Variants in GARIN2 observed in about 807,000 individuals in gnomAD.
GARIN2 encodes golgi associated RAB2 interactor family member 2.
the GARIN2 span, among the ~76,000 whole-genome samples, chr14:67,225,667 G>T: frequency 6.6e-6 from 1 of 152,106 alleles, no homozygotes; most frequent in Admixed American, 6.5e-5. Context: ...CTGCAGGGCT[G>T]TCATGTACAG....
the GARIN2 span, chr14:67,199,353 T>C: frequency 6.8e-6 from 11 of 1,614,108 alleles, no homozygotes; most frequent in East Asian, 2.0e-4. Flanking sequence ...AACCTGGATG[T>C]AGGGGCCAAC....
the GARIN2 span, among the ~76,000 whole-genome samples, chr14:67,192,971 T>G: frequency 2.0e-5 from 3 of 146,798 alleles, no homozygotes; most frequent in African/African-American, 7.4e-5. Flanking sequence ...TATATCGATA[T>G]CTAGATATAG....
the GARIN2 span, chr14:67,201,822 A>T: frequency 3.8e-6 from 1 of 262,654 alleles, no homozygotes; most frequent in Non-Finnish European, 7.5e-6. Context: ...ATTATCATAC[A>T]GCTGAGAAAC....
the GARIN2 span, among the ~76,000 whole-genome samples, chr14:67,193,064 C>CTA: frequency 7.0e-6 from 1 of 142,846 alleles, no homozygotes; most frequent in Non-Finnish European, 1.5e-5. Flanking sequence ...ATCTCTATAT[C>CTA]TATATATATC....
the GARIN2 span, among the ~76,000 whole-genome samples, chr14:67,212,664 T>TATATATAATATATATTA: frequency 6.8e-6 from 1 of 146,932 alleles, no homozygotes; most frequent in African/African-American, 2.5e-5. Context: ...TAATATATAT[T>TATATATAATATATATTA]TACACATACA....
the GARIN2 span, among the ~76,000 whole-genome samples, chr14:67,209,113 AT>A: frequency 6.6e-6 from 1 of 152,184 alleles, no homozygotes; most frequent in Admixed American, 6.5e-5. Flanking sequence ...AATAAAAGTA[AT>A]TTTCAATGGC....
At chr14:67,228,014 A>G in the GARIN2 span, among the ~76,000 whole-genome samples, 1 of 152,090 alleles carries the variant, frequency 6.6e-6, no homozygotes, top group Non-Finnish European at 1.5e-5. Context: ...TACTAAAAAG[A>G]CAAAAATCAC....
At chr14:67,193,956 A>AAAAAAAAACAAAAC in the GARIN2 span, among the ~76,000 whole-genome samples, 1 of 148,810 alleles carries the variant, frequency 6.7e-6, no homozygotes, top group African/African-American at 2.5e-5. Context: ...AAAAAAAACA[A>AAAAAAAAACAAAAC]AAAAAAAACG....
At chr14:67,191,040 C>A in the GARIN2 span, among the ~76,000 whole-genome samples, 2 of 152,278 alleles carry the variant, frequency 1.3e-5, no homozygotes, top group African/African-American at 4.8e-5. Flanking sequence ...TCAAGACCAG[C>A]CTGGCCAACA....
chr14:67,203,070 C>G, the GARIN2 span: 2 of 1,605,710 alleles, frequency 1.2e-6, no homozygotes, highest in Non-Finnish European at 1.7e-6. Flanking sequence ...TCATATAACG[C>G]CTTTTCCTGT....
the GARIN2 span, among the ~76,000 whole-genome samples, chr14:67,206,114 G>C: frequency 6.6e-6 from 1 of 152,118 alleles, no homozygotes; most frequent in Non-Finnish European, 1.5e-5. Flanking sequence ...ACCCTTGGAG[G>C]CAGAAGGTGC....
chr14:67,205,813 A>G, the GARIN2 span, among the ~76,000 whole-genome samples: 1 of 152,196 alleles, frequency 6.6e-6, no homozygotes, highest in Admixed American at 6.5e-5. Context: ...TTTTTAAAAG[A>G]TTAATCTAAT....
chr14:67,194,061 G>C, the GARIN2 span, among the ~76,000 whole-genome samples: 2 of 151,250 alleles, frequency 1.3e-5, no homozygotes, highest in African/African-American at 4.9e-5. Context: ...ACTGTCTCCA[G>C]ATATTCATAG....
chr14:67,195,921 A>T, the GARIN2 span, among the ~76,000 whole-genome samples: 1 of 152,134 alleles, frequency 6.6e-6, no homozygotes, highest in Non-Finnish European at 1.5e-5. Flanking sequence ...AGTAGCTGAG[A>T]CTACAGGTGC....
the GARIN2 span, among the ~76,000 whole-genome samples, chr14:67,209,032 G>A: frequency 1.3e-5 from 2 of 152,066 alleles, no homozygotes; most frequent in African/African-American, 4.8e-5. Flanking sequence ...AAACTAAAAT[G>A]AGCCAGAAGA....
the GARIN2 span, among the ~76,000 whole-genome samples, chr14:67,207,314 C>A: frequency 1.3e-5 from 2 of 152,208 alleles, no homozygotes; most frequent in South Asian, 4.2e-4. Context: ...GGGGAGCCAG[C>A]ACATCACATG....
chr14:67,217,477 A>G, the GARIN2 span, among the ~76,000 whole-genome samples: 1 of 152,252 alleles, frequency 6.6e-6, no homozygotes, highest in African/African-American at 2.4e-5. Flanking sequence ...TGTTTTGTAT[A>G]TCATTTGCTC....
chr14:67,226,062 C>T, the GARIN2 span, among the ~76,000 whole-genome samples: 83 of 152,302 alleles, frequency 5.4e-4, no homozygotes, highest in East Asian at 0.01. Flanking sequence ...TGGGCAGTAA[C>T]CCCTTGCCCA....
chr14:67,199,883 C>T, the GARIN2 span: 3 of 1,489,850 alleles, frequency 2.0e-6, no homozygotes, highest in South Asian at 1.4e-5. Context: ...GGACATGGCC[C>T]CCCATCGGCA....
Sources: gnomAD v4.1 joint callset for allele counts (sites outside exome capture counted in the v4.1 genomes callset) on GRCh38, gnomAD v4.1.1 for gene constraint, MANE v1.5 for transcripts, NCBI Gene and HGNC (gene_info 2026-07-23, HGNC 2026-07-21) for gene names.